PCGF6: variants seen among roughly 807,000 people sequenced by gnomAD.
PCGF6 encodes polycomb group ring finger 6.
In PCGF6, 24 loss-of-function variants were observed where a neutral mutation model predicts 45.5. The ratio of observed to expected loss-of-function variants is 0.53; its 90% CI spans 0.38 to 0.74. PCGF6 has a LOEUF of 0.74. Ranked by LOEUF, PCGF6 falls within the 30% of genes least tolerant of loss-of-function variation. PCGF6 has a pLI of 0.00. For synonymous variants in PCGF6, 152 were observed against 162.1 expected (o/e 0.94, Z 0.47); for missense variants, 356 against 443.2 (o/e 0.80, Z 1.77).
chr10:103,339,119 T>C (rs1564732942), intron 6 of PCGF6, among the ~76,000 whole-genome samples: 1 of 151,588 alleles, frequency 6.6e-6, no homozygotes. Context: ...AATGCTTTTC[T>C]ATGTAATAAA....
At chr10:103,319,342 G>A (rs576609521) in intron 8 of PCGF6, among the ~76,000 whole-genome samples, 2 of 151,852 alleles carry the variant, frequency 1.3e-5, no homozygotes, top group Admixed American at 6.6e-5. Context: ...TAGTAGAGAC[G>A]GGGTTTCACC....
chr10:103,345,156 GTTAA>G (rs2133598031), intron 5 of PCGF6, 24 bp from the exon 6 acceptor site: 1 of 1,475,040 alleles, frequency 6.8e-7, no homozygotes, highest in Non-Finnish European at 9.3e-7. Flanking sequence ...AAACAAAAAT[GTTAA>G]TTAAGAATAA....
intron 7 of PCGF6, among the ~76,000 whole-genome samples, chr10:103,328,567 A>C (rs2133577057): frequency 6.6e-6 from 1 of 152,264 alleles, no homozygotes; most frequent in South Asian, 2.1e-4. Context: ...CTGTGTCTCT[A>C]TTTGTAAAAT....
In PCGF6 at chr10:103,350,901, A is replaced by AAG; in HGVS notation, c.165_166insCT (p.Cys56LeufsTer47). ...AGCTCAGGGGGCCGGGAGCCGGAGC[A>AAG]GCCGGGAGCCCCCGTCTCAGACAGA... is the stretch of plus-strand genomic sequence containing the variant. On this transcript the variant is annotated frameshift_variant, in exon 1 of 10. Transcript: ENST00000369847. LOFTEE classifies it high-confidence loss of function. 1 of 1,526,750 alleles carries AAG rather than the reference A, an allele frequency of 6.5e-7. No individual in the cohort carries two copies. Among genetic ancestry groups the AAG allele is most frequent in the Non-Finnish European group, 8.8e-7 (1 of 1,140,588 alleles). The allele number at this position is 1,526,750 out of a possible 1,614,324, so 94.6% of individuals were successfully genotyped here.
Position 103,326,499 on chromosome 10 carries a change from AACTTT to A in PCGF6, c.909+30_909+34del. ...TACAGTGTGCTAAAGGTAAGCTCACAACTTTACCTATTCTTTTACATATATGTACT... is the reference window on the plus strand; with the variant it reads ...TACAGTGTGCTAAAGGTAAGCTCACAACCTATTCTTTTACATATATGTACT... On this transcript the variant is annotated intron_variant, in intron 8 of 9. Coordinates refer to ENST00000369847, the MANE Select transcript of PCGF6 (RefSeq NM_001011663.2). 8 of 1,391,094 alleles carry A rather than the reference AACTTT, an allele frequency of 5.8e-6. No individual in the cohort carries two copies. In the African/African-American group the frequency reaches 5.8e-5, roughly 10 times the overall value. 86.2% of individuals were successfully genotyped at this position (1,391,094 alleles called of 1,614,324 possible). A position where few individuals can be genotyped will look rare whatever the true frequency, so the allele number is the denominator to read the frequency against.
intron 6 of PCGF6, among the ~76,000 whole-genome samples, chr10:103,344,534 C>G (rs1403600117): frequency 6.6e-6 from 1 of 151,548 alleles, no homozygotes; most frequent in Non-Finnish European, 1.5e-5. Flanking sequence ...TCCCAAAGTG[C>G]TGGGATTACA....
chr10:103,312,959 T>TCAAAAACAAAAA lies in PCGF6; in HGVS notation c.996+1215_996+1226dup, dbSNP rs144077726. On this transcript the variant is annotated intron_variant, in intron 9 of 9. Transcript: ENST00000369847. ...CTGGGCGACAGAGCGAGACTCCGTC[T>TCAAAAACAAAAA]CAAAAACAAAAACAAAAACAAAAAC... 2.0e-3 allele frequency among the ~76,000 whole-genome samples: 296 copies of TCAAAAACAAAAA among 150,412 alleles called. 5 individuals carry two copies. In the East Asian group the frequency reaches 0.031, roughly 16 times the overall value.
chr10:103,343,438 T>C (rs2133595876), intron 6 of PCGF6, among the ~76,000 whole-genome samples: 1 of 152,196 alleles, frequency 6.6e-6, no homozygotes, highest in East Asian at 1.9e-4. Context: ...AGTTAAGCGT[T>C]TGAAAACTAG....
intron 9 of PCGF6, among the ~76,000 whole-genome samples, chr10:103,311,609 C>A (rs2093157636): frequency 6.6e-6 from 1 of 151,996 alleles, no homozygotes; most frequent in Non-Finnish European, 1.5e-5. Flanking sequence ...CCGCACCTAG[C>A]CGCATTTCTT....
intron 8 of PCGF6, among the ~76,000 whole-genome samples, chr10:103,321,898 C>T (rs188929453): frequency 6.6e-6 from 1 of 151,236 alleles, no homozygotes; most frequent in East Asian, 1.9e-4. Flanking sequence ...TATTTCATTT[C>T]ACTTTTTTTT....
chr10:103,349,129 C>T, intron 1 of PCGF6, 130 bp from the exon 2 acceptor site: 2 of 704,602 alleles, frequency 2.8e-6, no homozygotes, highest in Non-Finnish European at 4.6e-6. Context: ...TTCACTGCAA[C>T]CTCCGCCTCC....
At chr10:103,317,123 G>A (rs1478770754) in intron 8 of PCGF6, among the ~76,000 whole-genome samples, 1 of 152,128 alleles carries the variant, frequency 6.6e-6, no homozygotes, top group East Asian at 1.9e-4. Flanking sequence ...CGATTCTCAT[G>A]CCTCACCCTC....
chr10:103,311,972 G>T (rs2093158889), intron 9 of PCGF6, among the ~76,000 whole-genome samples: 1 of 150,978 alleles, frequency 6.6e-6, no homozygotes, highest in African/African-American at 2.4e-5. Flanking sequence ...TATAGTCCCA[G>T]CTACTTGGCA....
chr10:103,345,138 T>A lies in PCGF6; in HGVS notation c.674-6A>T, dbSNP rs2093294685. 4.5e-6 allele frequency: 7 copies of A among 1,566,078 alleles called. No homozygotes were observed. The highest frequency in any genetic ancestry group is 6.1e-6 in the Non-Finnish European group (7 of 1,151,714). ...AGGGACTGGCTGTGGAACAGCTATT[T>A]AATAGTCAAACAAAAATGTTAATTA... On this transcript the variant is annotated splice_region_variant and splice_polypyrimidine_tract_variant and intron_variant, in intron 5 of 9. Coordinates refer to ENST00000369847, the MANE Select transcript of PCGF6 (RefSeq NM_001011663.2).
At chr10:103,318,819 A>C (rs948910918) in intron 8 of PCGF6, among the ~76,000 whole-genome samples, 3 of 152,200 alleles carry the variant, frequency 2.0e-5, no homozygotes, top group Admixed American at 6.6e-5. Flanking sequence ...AATTGCAGTT[A>C]GAAAACTTTT....
chr10:103,347,498 AT>A, intron 3 of PCGF6, 48 bp from the exon 4 acceptor site: 1 of 1,463,818 alleles, frequency 6.8e-7, no homozygotes, highest in Non-Finnish European at 9.5e-7. Flanking sequence ...AGAAAAATGC[AT>A]TTTGGTACAG....
At chr10:103,347,724 T>C (rs1179969914) in intron 3 of PCGF6, among the ~76,000 whole-genome samples, 1 of 152,216 alleles carries the variant, frequency 6.6e-6, no homozygotes, top group Non-Finnish European at 1.5e-5. Context: ...GTCTCACTTT[T>C]GTCACCCAGG....
At chr10:103,309,755 C>A (rs1202157963) in intron 9 of PCGF6, among the ~76,000 whole-genome samples, 2 of 151,834 alleles carry the variant, frequency 1.3e-5, no homozygotes, top group Non-Finnish European at 2.9e-5. Context: ...CATGGCAAAA[C>A]CCCATCTCTA....
At chr10:103,313,118 A>C (rs2093163262) in intron 9 of PCGF6, among the ~76,000 whole-genome samples, 1 of 152,144 alleles carries the variant, frequency 6.6e-6, no homozygotes, top group Non-Finnish European at 1.5e-5. Flanking sequence ...TTATATTCCC[A>C]CTCACATTAT....
Sources: allele counts gnomAD v4.1 joint callset (sites outside exome capture counted in the v4.1 genomes callset), GRCh38; gene constraint gnomAD v4.1.1; transcripts MANE v1.5; gene names NCBI Gene and HGNC (gene_info 2026-07-23, HGNC 2026-07-21).